Variants in WDR72 observed in about 807,000 individuals in gnomAD.
WDR72 encodes WD repeat-containing protein 72.
Under a neutral mutation model 124.2 loss-of-function variants are expected in WDR72, and 120 were observed. That is an observed-to-expected ratio of 0.97 (90% CI 0.83 to 1.12). The LOEUF (loss-of-function observed/expected upper bound fraction) is 1.12. Ranked by LOEUF, WDR72 falls within the 50% of genes most tolerant of loss-of-function variation. The pLI is 0.00. For synonymous variants in WDR72, 452 were observed against 441.7 expected (o/e 1.02, Z -0.29); for missense variants, 1,387 against 1,278.8 (o/e 1.08, Z -1.29).
intron 18 of WDR72, among the ~76,000 whole-genome samples, chr15:53,547,937 AAAAAG>A (rs141454003): frequency 0.071 from 10,835 of 152,212 alleles, 530 homozygotes; most frequent in Non-Finnish European, 0.11. Context: ...TGGACAGCAA[AAAAAG>A]AAAAGAAAAG....
intron 13 of WDR72, among the ~76,000 whole-genome samples, chr15:53,677,884 T>C (rs1228177032): frequency 6.6e-6 from 1 of 152,214 alleles, no homozygotes; most frequent in Non-Finnish European, 1.5e-5. Flanking sequence ...TTAAGTGCCA[T>C]TTAATTCTTA....
At position 53,692,832 on chromosome 15, in the gene WDR72, T is replaced by A. The variant is rs147022303; in HGVS notation, c.1765+6918A>T. Among the ~76,000 whole-genome samples, 1,424 of 152,158 alleles carry A rather than the reference T, an allele frequency of 9.4e-3. 35 individuals carry two copies. Among genetic ancestry groups the A allele is most frequent in the African/African-American group, 0.033 (1,371 of 41,518 alleles). ...TAAAAATATATGTCGAGTAATAACA[T>A]CAGTAATTATTATAATAAGAAAGAG... On this transcript the variant is annotated intron_variant, in intron 13 of 19. Transcript: ENST00000360509.
chr15:53,632,534 A>T (rs760989907), intron 14 of WDR72, among the ~76,000 whole-genome samples: 15 of 152,048 alleles, frequency 9.9e-5, no homozygotes, highest in Non-Finnish European at 1.9e-4. Flanking sequence ...TGCTTAGTGG[A>T]GCTATGAGAA....
intron 13 of WDR72, among the ~76,000 whole-genome samples, chr15:53,685,343 A>G (rs2016579187): frequency 7.7e-6 from 1 of 129,416 alleles, no homozygotes; most frequent in Non-Finnish European, 1.6e-5. Flanking sequence ...TAACTAGAAT[A>G]ACCAATACAG....
At chr15:53,536,120 C>G (rs1175268862) in intron 18 of WDR72, among the ~76,000 whole-genome samples, 3 of 152,134 alleles carry the variant, frequency 2.0e-5, no homozygotes, top group African/African-American at 7.2e-5. Flanking sequence ...CTGGTCAGAG[C>G]AGCTGAGCAT....
chr15:53,530,714 T>C (rs1472740107), intron 18 of WDR72, among the ~76,000 whole-genome samples: 1 of 152,070 alleles, frequency 6.6e-6, no homozygotes, highest in Non-Finnish European at 1.5e-5. Context: ...AAGAGCATCA[T>C]GCTAGCATTT....
In WDR72 at chr15:53,514,383, C is replaced by T. The variant is rs970235324; in HGVS notation, c.*3316G>A. On this transcript the variant is annotated 3_prime_UTR_variant, in exon 20 of 20. Transcript: ENST00000360509. Reference sequence around the variant, plus strand: ...TTGGAATTAATGTAACCTGAACTTTCATTTTAAATACATGGCATAAAATTT... The same window carrying T: ...TTGGAATTAATGTAACCTGAACTTTTATTTTAAATACATGGCATAAAATTT... 12 of 152,088 alleles carry T rather than the reference C, an allele frequency of 7.9e-5. No individual in the cohort carries two copies. The highest frequency in any genetic ancestry group is 2.9e-4 in the African/African-American group (12 of 41,440). 9.4% of individuals were successfully genotyped at this position (152,088 alleles called of 1,614,324 possible).
rs1010280371 is a variant in WDR72 at position 53,515,064 on chromosome 15, T to C, written c.*2635A>G. On this transcript the variant is annotated 3_prime_UTR_variant, in exon 20 of 20. Coordinates refer to ENST00000360509, the MANE Select transcript of WDR72 (RefSeq NM_182758.4). Reference sequence around the variant, plus strand: ...GTGTATATATATGTGTGTATATATATACACACATATATATGTATGTATACA... The same window carrying C: ...GTGTATATATATGTGTGTATATATACACACACATATATATGTATGTATACA... 3 of 116,176 alleles carry C rather than the reference T, an allele frequency of 2.6e-5. No homozygotes were observed. The Admixed American group carries it at 3.0e-4, about 12-fold the overall frequency. The allele number at this position is 116,176 out of a possible 1,614,324, so 7.2% of individuals were successfully genotyped here.
At chr15:53,659,745 CTTACA>C (rs1230894111) in intron 14 of WDR72, among the ~76,000 whole-genome samples, 7 of 151,446 alleles carry the variant, frequency 4.6e-5, no homozygotes, top group Admixed American at 4.6e-4. Context: ...TTTTATTTAA[CTTACA>C]TTACATAAAA....
chr15:53,754,214 G>A (rs2018843235), intron 1 of WDR72, among the ~76,000 whole-genome samples: 1 of 152,036 alleles, frequency 6.6e-6, no homozygotes, highest in Non-Finnish European at 1.5e-5. Context: ...GTGTATGCAT[G>A]GGCCAGAATG....
At chr15:53,545,653 A>G (rs1893414424) in intron 18 of WDR72, among the ~76,000 whole-genome samples, 1 of 146,244 alleles carries the variant, frequency 6.8e-6, no homozygotes, top group Admixed American at 6.9e-5. Context: ...AAAAGACAAA[A>G]TTGACAAATG....
intron 14 of WDR72, among the ~76,000 whole-genome samples, chr15:53,661,937 A>G (rs761024116): frequency 2.3e-4 from 35 of 152,190 alleles, no homozygotes; most frequent in Non-Finnish European, 3.5e-4. Context: ...ATGGGCCCCA[A>G]ATAATAATCC....
intron 14 of WDR72, among the ~76,000 whole-genome samples, chr15:53,661,949 C>G (rs1427222669): frequency 6.6e-6 from 1 of 152,116 alleles, no homozygotes. Context: ...TAATAATCCA[C>G]TTTACCCTTT....
chr15:53,625,161 C>T (rs2014153412), intron 14 of WDR72, among the ~76,000 whole-genome samples: 1 of 152,168 alleles, frequency 6.6e-6, no homozygotes, highest in African/African-American at 2.4e-5. Flanking sequence ...ATTAATCTGA[C>T]TGCAATTTTT....
At chr15:53,675,363 C>T (rs986831744) in intron 13 of WDR72, among the ~76,000 whole-genome samples, 1 of 151,116 alleles carries the variant, frequency 6.6e-6, no homozygotes, top group Non-Finnish European at 1.5e-5. Flanking sequence ...AAAAAATCTA[C>T]TATGACTAAT....
intron 13 of WDR72, among the ~76,000 whole-genome samples, chr15:53,680,957 C>G (rs774462080): frequency 6.6e-6 from 1 of 152,210 alleles, no homozygotes; most frequent in Admixed American, 6.5e-5. Flanking sequence ...AAGATAAAAT[C>G]TGACATTCCC....
At chr15:53,643,795 C>G (rs573893342) in intron 14 of WDR72, among the ~76,000 whole-genome samples, 2 of 152,014 alleles carry the variant, frequency 1.3e-5, no homozygotes, top group South Asian at 4.2e-4. Context: ...AACAACTTAC[C>G]ATTTCCATGA....
chr15:53,687,117 C>A (rs1225984065), intron 13 of WDR72, among the ~76,000 whole-genome samples: 8 of 148,410 alleles, frequency 5.4e-5, no homozygotes, highest in East Asian at 4.1e-4. Context: ...CAGGAAAGAT[C>A]CAAAATTGAC....
At chr15:53,761,092 C>A (rs2019055562), upstream of WDR72, among the ~76,000 whole-genome samples, 1 of 151,984 alleles carries the variant, frequency 6.6e-6, no homozygotes, top group Non-Finnish European at 1.5e-5. Context: ...CCACTGCACT[C>A]CAACCTGGGT....
Sources: allele counts gnomAD v4.1 joint callset (sites outside exome capture counted in the v4.1 genomes callset), GRCh38; gene constraint gnomAD v4.1.1; transcripts MANE v1.5; gene names NCBI Gene and HGNC (gene_info 2026-07-23, HGNC 2026-07-21).